PMS1: variants seen among roughly 807,000 people sequenced by gnomAD.
PMS1 encodes the protein PMS1 protein homolog 1.
A neutral mutation model predicts 93.1 loss-of-function variants in PMS1; 79 were observed. The observed-to-expected ratio is 0.85, with a 90% CI of 0.71 to 1.02. The LOEUF (loss-of-function observed/expected upper bound fraction) is 1.02. PMS1 is among the 50% of genes least tolerant of loss of function. PMS1 has a pLI of 0.00. For synonymous variants in PMS1, 335 were observed against 363.4 expected (o/e 0.92, Z 0.89); for missense variants, 1,064 against 1,085.3 (o/e 0.98, Z 0.28).
intron 1 of PMS1, among the ~76,000 whole-genome samples, chr2:189,786,098 C>G (rs904599371): frequency 1.3e-4 from 19 of 151,996 alleles, no homozygotes; most frequent in South Asian, 6.2e-4. Flanking sequence ...CTGGCCTGGG[C>G]AACAAAGTGA....
chr2:189,804,000 A>G (rs2050118880), intron 3 of PMS1, among the ~76,000 whole-genome samples: 1 of 152,224 alleles, frequency 6.6e-6, no homozygotes, highest in Non-Finnish European at 1.5e-5. Flanking sequence ...AGGATGAGCA[A>G]ATTAATATCT....
intron 1 of PMS1, among the ~76,000 whole-genome samples, chr2:189,788,668 T>C (rs1464881502): frequency 1.3e-5 from 2 of 152,150 alleles, no homozygotes; most frequent in Non-Finnish European, 2.9e-5. Flanking sequence ...TTTAATAATA[T>C]ATTTTATGTA....
At chr2:189,863,657 G>A (rs890726474) in intron 9 of PMS1, 86 bp from the exon 10 acceptor site, 8 of 998,880 alleles carry the variant, frequency 8.0e-6, no homozygotes, top group Non-Finnish European at 1.2e-5. Context: ...TGGAACACCA[G>A]TACTTTATTT....
intron 4 of PMS1, among the ~76,000 whole-genome samples, chr2:189,814,774 T>C (rs2051132299): frequency 6.6e-6 from 1 of 152,044 alleles, no homozygotes; most frequent in African/African-American, 2.4e-5. Context: ...CAGCCTTGGA[T>C]AGGGCATTTA....
At chr2:189,872,469 C>G (rs1173365649) in intron 11 of PMS1, among the ~76,000 whole-genome samples, 1 of 152,036 alleles carries the variant, frequency 6.6e-6, no homozygotes, top group Non-Finnish European at 1.5e-5. Flanking sequence ...ATGTAGACTT[C>G]ATGAAAGAAC....
At chr2:189,852,303 C>T (rs1274505911) in intron 6 of PMS1, among the ~76,000 whole-genome samples, 1 of 151,816 alleles carries the variant, frequency 6.6e-6, no homozygotes, top group Non-Finnish European at 1.5e-5. Context: ...AGAAAAGTCA[C>T]AATGTGAGGA....
Position 189,863,905 on chromosome 2 carries a change from T to C in PMS1, c.2019T>C (p.Ser673=), listed in dbSNP as rs1419475578. ...AGCACAAGTTAAAAACCTCATTATC[T>C]AATCAACCAAAACTTGATGAACTCC... is the stretch of plus-strand genomic sequence containing the variant. ...AQKHKLKTSL[S]NQPKLDELLQ... The change falls in exon 10 of 13, where the codon TCT becomes TCC. Residue 673 remains serine (S), a synonymous_variant. Transcript: ENST00000441310. 1 of 1,613,716 alleles carries C rather than the reference T, an allele frequency of 6.2e-7. No individual in the cohort carries two copies. Among genetic ancestry groups the C allele is most frequent in the Non-Finnish European group, 8.5e-7 (1 of 1,179,846 alleles).
chr2:189,822,373 C>A (rs559789296), intron 5 of PMS1, among the ~76,000 whole-genome samples: 1 of 152,328 alleles, frequency 6.6e-6, no homozygotes, highest in East Asian at 1.9e-4. Context: ...GCTACATTTT[C>A]TCCAGCCATT....
At chr2:189,791,269 AGTT>A (rs2048842610) in intron 1 of PMS1, among the ~76,000 whole-genome samples, 2 of 152,124 alleles carry the variant, frequency 1.3e-5, no homozygotes, top group African/African-American at 4.8e-5. Context: ...ATGCCTTAGT[AGTT>A]TTATAAAATT....
intron 6 of PMS1, among the ~76,000 whole-genome samples, chr2:189,850,822 G>A (rs1209510508): frequency 6.6e-6 from 1 of 152,098 alleles, no homozygotes; most frequent in Non-Finnish European, 1.5e-5. Flanking sequence ...TAAGAGAAGG[G>A]CTGCGTAGTG....
intron 3 of PMS1, among the ~76,000 whole-genome samples, chr2:189,797,861 C>CAA: frequency 6.6e-6 from 1 of 152,184 alleles, no homozygotes; most frequent in African/African-American, 2.4e-5. Context: ...TGTAGGTTTT[C>CAA]TCCATTTTTT....
At chr2:189,853,609 A>G (rs1488528119) in intron 7 of PMS1, among the ~76,000 whole-genome samples, 2 of 150,178 alleles carry the variant, frequency 1.3e-5, no homozygotes, top group African/African-American at 4.9e-5. Flanking sequence ...TCCATCTCCC[A>G]GGTTCAAGCA....
At chr2:189,871,306 A>G (rs1458761734) in intron 11 of PMS1, among the ~76,000 whole-genome samples, 1 of 151,836 alleles carries the variant, frequency 6.6e-6, no homozygotes, top group Admixed American at 6.5e-5. Flanking sequence ...ATAATAGCTC[A>G]TGAGCTTTAA....
intron 9 of PMS1, among the ~76,000 whole-genome samples, chr2:189,862,212 A>G (rs1213664556): frequency 6.6e-6 from 1 of 152,018 alleles, no homozygotes; most frequent in Non-Finnish European, 1.5e-5. Context: ...ATTTCTATTG[A>G]TCTGTCTTGA....
chr2:189,840,700 G>A (rs1335759852), intron 5 of PMS1, among the ~76,000 whole-genome samples: 2 of 152,054 alleles, frequency 1.3e-5, no homozygotes, highest in East Asian at 3.9e-4. Flanking sequence ...AAATCCTTAG[G>A]TATAAGGATC....
At chr2:189,810,247 T>C (rs2050717773) in intron 4 of PMS1, among the ~76,000 whole-genome samples, 1 of 152,184 alleles carries the variant, frequency 6.6e-6, no homozygotes, top group African/African-American at 2.4e-5. Context: ...TGGATACAGA[T>C]TTTCAAGAGA....
At chr2:189,847,696 T>C (rs542850715) in intron 6 of PMS1, among the ~76,000 whole-genome samples, 29 of 152,314 alleles carry the variant, frequency 1.9e-4, no homozygotes, top group African/African-American at 6.7e-4. Flanking sequence ...GGAAATCTAA[T>C]TGGGAACAGG....
At chr2:189,849,783 G>A (rs2054548873) in intron 6 of PMS1, among the ~76,000 whole-genome samples, 1 of 151,344 alleles carries the variant, frequency 6.6e-6, no homozygotes, top group Non-Finnish European at 1.5e-5. Flanking sequence ...GTTTGGCTCA[G>A]CCTTGTTCTT....
At chr2:189,791,727 G>T (rs929408851) in intron 1 of PMS1, 63 bp from the exon 2 acceptor site, 29 of 1,124,802 alleles carry the variant, frequency 2.6e-5, no homozygotes, top group Admixed American at 8.6e-5. Context: ...CATTATTATT[G>T]CCATTTGTCC....
Sources: allele counts gnomAD v4.1 joint callset (sites outside exome capture counted in the v4.1 genomes callset), GRCh38; gene constraint gnomAD v4.1.1; transcripts MANE v1.5; gene names NCBI Gene and HGNC (gene_info 2026-07-23, HGNC 2026-07-21).